PPP2R3B: variants seen among roughly 807,000 people sequenced by gnomAD.
The protein encoded by PPP2R3B is protein phosphatase 2 regulatory subunit B''beta.
Under a neutral mutation model 72.9 loss-of-function variants are expected in PPP2R3B, and 68 were observed. That is an observed-to-expected ratio of 0.93 (90% CI 0.77 to 1.14). PPP2R3B has a LOEUF of 1.14. Ranked by LOEUF, PPP2R3B falls within the 50% of genes most tolerant of loss-of-function variation. The pLI is 0.00. For missense variants in PPP2R3B, 1,018 were observed against 842.0 expected (o/e 1.21, Z -2.59); for synonymous variants, 466 against 375.8 (o/e 1.24, Z -2.78).
At chrX:335,575 G>T (rs1228188675) in intron 12 of PPP2R3B, 1 of 152,224 alleles carries the variant, frequency 6.6e-6, no homozygotes, top group Non-Finnish European at 1.5e-5. Flanking sequence ...ACGGTAACCA[G>T]AAAGTATTTT....
intron 2 of PPP2R3B, among the ~76,000 whole-genome samples, chrX:354,267 AGGGGCTCACCCAAACACCG>A (rs1423528573): frequency 9.0e-4 from 133 of 148,468 alleles, no homozygotes; most frequent in African/African-American, 3.2e-3. Flanking sequence ...CCCAAACACC[AGGGGCTCACCCAAACACCG>A]GGGCTGCCTT....
In PPP2R3B at chrX:386,850, C is replaced by A. The variant is rs1195791486; in HGVS notation, c.-159G>T. 7.5e-6 allele frequency: 2 copies of A among 267,544 alleles called. No homozygotes were observed. The highest frequency in any genetic ancestry group is 4.5e-5 in the African/African-American group (2 of 43,974). 16.6% of individuals were successfully genotyped at this position (267,544 alleles called of 1,614,324 possible). On this transcript the variant is annotated 5_prime_UTR_variant, in exon 1 of 13. Transcript: ENST00000390665. ...GCGCCTCGGGAACTGCGCGGACTCG[C>A]GGGGCGCGGGGACCGAGGAGGGGGC... is the stretch of plus-strand genomic sequence containing the variant.
chrX:344,996 C>T (rs755387093), intron 7 of PPP2R3B: 3 of 358,340 alleles, frequency 8.4e-6, no homozygotes, highest in African/African-American at 4.3e-5. Flanking sequence ...GCTTTGAGTT[C>T]CTGCAAGTGT....
intron 1 of PPP2R3B, chrX:373,783 C>T (rs1168074748): frequency 1.3e-5 from 2 of 150,428 alleles, no homozygotes; most frequent in Non-Finnish European, 3.0e-5. Flanking sequence ...CGTCGCCCGC[C>T]AGGCGCTCTG....
At chrX:370,598 T>A (rs2071838294) in intron 1 of PPP2R3B, among the ~76,000 whole-genome samples, 1 of 152,152 alleles carries the variant, frequency 6.6e-6, no homozygotes. Context: ...GTGTGGACGT[T>A]CCCACCCGGG....
At chrX:364,335 C>G (rs1431329073) in intron 1 of PPP2R3B, among the ~76,000 whole-genome samples, 1 of 151,976 alleles carries the variant, frequency 6.6e-6, no homozygotes, top group Non-Finnish European at 1.5e-5. Flanking sequence ...GCCGACTCTC[C>G]TGCAGGTTTG....
chrX:362,058 C>G (rs1428020622), intron 1 of PPP2R3B, among the ~76,000 whole-genome samples: 1 of 152,154 alleles, frequency 6.6e-6, no homozygotes, highest in Admixed American at 6.5e-5. Context: ...GTCCCTGGAG[C>G]CCGGAAGACT....
chrX:346,216 G>T lies in PPP2R3B; in HGVS notation c.837C>A (p.Gly279=), dbSNP rs769419213. The T allele has an allele frequency of 1.3e-5, 20 of 1,570,738 alleles. No individual in the cohort carries two copies. Among genetic ancestry groups the T allele is most frequent in the Non-Finnish European group, 1.7e-5 (20 of 1,160,066 alleles). ...TCCGCAGCTCGGCGCAGGTGATCCT[G>T]CCGGACCAGGACCGGTTCACGGCGT... is the stretch of plus-strand genomic sequence containing the variant. ...IFYAVNRSWS[G]RITCAELRRS... is the part of the protein sequence containing the mutation. The change falls in exon 6 of 13, where the codon GGC becomes GGA. Residue 279 remains glycine (G), a synonymous_variant. Transcript: ENST00000390665.
intron 1 of PPP2R3B, among the ~76,000 whole-genome samples, chrX:379,460 CTG>C (rs750834415): frequency 3.3e-5 from 5 of 151,818 alleles, no homozygotes; most frequent in African/African-American, 7.3e-5. Flanking sequence ...GTGTATGCAC[CTG>C]TGTGTTTGTG....
At chrX:371,446 G>A (rs1285364265) in intron 1 of PPP2R3B, among the ~76,000 whole-genome samples, 1 of 152,136 alleles carries the variant, frequency 6.6e-6, no homozygotes, top group East Asian at 1.9e-4. Context: ...TGGCAGGGAG[G>A]AGGAGGAGCT....
At chrX:348,042 C>T (rs1286430863) in intron 2 of PPP2R3B, among the ~76,000 whole-genome samples, 7 of 152,216 alleles carry the variant, frequency 4.6e-5, no homozygotes, top group African/African-American at 9.6e-5. Flanking sequence ...AGCCAGGCAA[C>T]GCGGTGAATC....
chrX:350,192 C>G (rs1337027172), intron 2 of PPP2R3B, among the ~76,000 whole-genome samples: 2 of 152,204 alleles, frequency 1.3e-5, no homozygotes. Context: ...TGAGTTGGGA[C>G]AGAGCCCCGT....
chrX:346,041 AGGTGGGGGTGGG>A lies in PPP2R3B; in HGVS notation c.879+121_879+132del, dbSNP rs1207199896. Reference sequence around the variant, plus strand: ...TGGGGGTGGGCTGGGAGCGCGGTGGAGGTGGGGGTGGGGGTGGGGGTGGGAGAGGGGGTGGGA... The same window carrying A: ...TGGGGGTGGGCTGGGAGCGCGGTGGAGGTGGGGGTGGGAGAGGGGGTGGGA... On this transcript the variant is annotated intron_variant, in intron 6 of 12. Coordinates refer to ENST00000390665, the MANE Select transcript of PPP2R3B (RefSeq NM_013239.5). The A allele has an allele frequency of 6.0e-5, 28 of 465,564 alleles. No homozygotes were observed. The African/African-American group carries it at 7.6e-4, about 13-fold the overall frequency. The allele number at this position is 465,564 out of a possible 1,614,324, so 28.8% of individuals were successfully genotyped here.
chrX:386,645 T>C lies in PPP2R3B; in HGVS notation c.47A>G (p.Asp16Gly), dbSNP rs2072261190. The change falls in exon 1 of 13, where the codon GAC becomes GGC. Residue 16 changes from aspartate to glycine, a missense_variant. Coordinates refer to ENST00000390665, the MANE Select transcript of PPP2R3B (RefSeq NM_013239.5). ...GCTGAGCCAGTACAGGAACAGCTCG[T>C]CCACCTTCATCTTCAGGACCGGCTG... is the stretch of plus-strand genomic sequence containing the variant. ...VLQPVLKMKV[D>G]ELFLYWLSEA... 1 of 1,418,864 alleles carries C rather than the reference T, an allele frequency of 7.0e-7. No individual in the cohort carries two copies. The highest frequency in any genetic ancestry group is 9.2e-7 in the Non-Finnish European group (1 of 1,086,322). 87.9% of individuals were successfully genotyped at this position (1,418,864 alleles called of 1,614,324 possible). A position where few individuals can be genotyped will look rare whatever the true frequency, so the allele number is the denominator to read the frequency against.
At chrX:376,895 C>T (rs1199719008) in intron 1 of PPP2R3B, among the ~76,000 whole-genome samples, 1 of 78,860 alleles carries the variant, frequency 1.3e-5, no homozygotes, top group Non-Finnish European at 2.7e-5. Context: ...GGGCCGTCCA[C>T]ACCCAGTGGG....
At chrX:368,856 C>A (rs111614969) in intron 1 of PPP2R3B, among the ~76,000 whole-genome samples, 15 of 62,794 alleles carry the variant, frequency 2.4e-4, no homozygotes, top group African/African-American at 5.7e-4. Flanking sequence ...GGGCACCGAC[C>A]GGGGGAAGGC....
chrX:383,441 G>A (rs1200717969), intron 1 of PPP2R3B, among the ~76,000 whole-genome samples: 1 of 152,036 alleles, frequency 6.6e-6, no homozygotes, highest in African/African-American at 2.4e-5. Flanking sequence ...TAGTATTCTC[G>A]GGACACCAGA....
chrX:369,805 G>C (rs747346214), intron 1 of PPP2R3B, among the ~76,000 whole-genome samples: 75 of 152,350 alleles, frequency 4.9e-4, no homozygotes, highest in African/African-American at 1.8e-3. Context: ...CGGAAGGGAC[G>C]CTCAGTACGG....
intron 1 of PPP2R3B, among the ~76,000 whole-genome samples, chrX:384,559 G>A (rs1034642267): frequency 3.3e-5 from 5 of 151,948 alleles, no homozygotes; most frequent in Non-Finnish European, 7.4e-5. Flanking sequence ...ACTCCCAAAT[G>A]CTGGAATCAC....
Sources: gnomAD v4.1 joint callset for allele counts (sites outside exome capture counted in the v4.1 genomes callset) on GRCh38, gnomAD v4.1.1 for gene constraint, MANE v1.5 for transcripts, NCBI Gene and HGNC (gene_info 2026-07-23, HGNC 2026-07-21) for gene names.